ADAMTS20: variants seen among roughly 807,000 people sequenced by gnomAD.
ADAMTS20 encodes A disintegrin and metalloproteinase with thrombospondin motifs 20.
A neutral mutation model predicts 260.1 loss-of-function variants in ADAMTS20; 225 were observed. The observed-to-expected ratio is 0.87, with a 90% CI of 0.78 to 0.97. The LOEUF is 0.97. ADAMTS20 is among the 50% of genes least tolerant of loss of function. The pLI, the probability that ADAMTS20 is intolerant of heterozygous loss-of-function variation, is 0.00. For synonymous variants in ADAMTS20, 802 were observed against 769.5 expected (o/e 1.04, Z -0.70); for missense variants, 2,400 against 2,337.7 (o/e 1.03, Z -0.55).
intron 3 of ADAMTS20, among the ~76,000 whole-genome samples, chr12:43,514,877 G>A (rs1006060566): frequency 9.9e-5 from 15 of 152,092 alleles, no homozygotes; most frequent in African/African-American, 3.1e-4. Context: ...GCTGAATATC[G>A]ATATCTACTG....
chr12:43,479,721 A>C (rs558129480), intron 7 of ADAMTS20, among the ~76,000 whole-genome samples: 54 of 152,244 alleles, frequency 3.5e-4, no homozygotes, highest in Admixed American at 7.2e-4. Context: ...TCAAATAATA[A>C]AATTAGAAAA....
chr12:43,522,118 C>A (rs1943080065), intron 3 of ADAMTS20, among the ~76,000 whole-genome samples: 1 of 152,162 alleles, frequency 6.6e-6, no homozygotes, highest in Admixed American at 6.5e-5. Context: ...GTTTAATTGA[C>A]TCAGTGCACC....
chr12:43,375,374 C>T lies in ADAMTS20; in HGVS notation c.5446+5G>A. 1.2e-6 allele frequency: 2 copies of T among 1,610,824 alleles called. No homozygotes were observed. The highest frequency in any genetic ancestry group is 1.7e-6 in the Non-Finnish European group (2 of 1,179,096). ...TTGATTTTAAAATATAGATTGAGCA[C>T]TTACTTTTAATTTGCATGGAAGTGA... On this transcript the variant is annotated splice_donor_5th_base_variant and intron_variant, in intron 36 of 38. Transcript: ENST00000389420.
At chr12:43,444,135 ATTC>A (rs1369329328) in intron 15 of ADAMTS20, among the ~76,000 whole-genome samples, 3 of 152,144 alleles carry the variant, frequency 2.0e-5, no homozygotes, top group Non-Finnish European at 2.9e-5. Context: ...TACTTCTAAT[ATTC>A]TTAATATAGA....
At position 43,452,275 on chromosome 12, in the gene ADAMTS20, A is replaced by G. The variant is rs774803173; in HGVS notation, c.2078T>C (p.Met693Thr). 4 of 1,604,726 alleles carry G rather than the reference A, an allele frequency of 2.5e-6. No individual in the cohort carries two copies. In the Admixed American group the frequency reaches 6.9e-5, roughly 28 times the overall value. Residue 693 changes from methionine (M) to threonine (T), a missense_variant and splice_region_variant, in exon 14 of 39, where the codon ATG (methionine) becomes ACG (threonine). By Grantham distance (81) the Met-to-Thr change is moderately conservative (BLOSUM62 -1). Transcript: ENST00000389420. ...AATAGAAACTTATAGTTTACTTACC[A>G]TACACTGGCCTTGAACACAGATGTC... ...THDICVQGQC[M>T]AAGCDHVLNS... is the part of the protein sequence containing the mutation.
chr12:43,371,770 G>A (rs1940113342), intron 36 of ADAMTS20, among the ~76,000 whole-genome samples: 1 of 152,174 alleles, frequency 6.6e-6, no homozygotes, highest in Non-Finnish European at 1.5e-5. Flanking sequence ...GCAGAAAACT[G>A]AGAGGGAATA....
intron 11 of ADAMTS20, among the ~76,000 whole-genome samples, chr12:43,457,015 A>G (rs968296473): frequency 1.3e-5 from 2 of 152,238 alleles, no homozygotes; most frequent in Non-Finnish European, 2.9e-5. Flanking sequence ...AGCTGAACAT[A>G]CTGACATACT....
intron 4 of ADAMTS20, among the ~76,000 whole-genome samples, chr12:43,496,270 A>C (rs192281820): frequency 1.3e-5 from 2 of 152,328 alleles, no homozygotes; most frequent in Non-Finnish European, 2.9e-5. Flanking sequence ...AGGAACTATT[A>C]TAGTGTCCAT....
chr12:43,441,059 C>G (rs556402686), intron 16 of ADAMTS20, among the ~76,000 whole-genome samples: 1 of 139,284 alleles, frequency 7.2e-6, no homozygotes. Flanking sequence ...AGGGAGACTC[C>G]GTCTCCAAAA....
At chr12:43,450,018 T>C (rs1261351479) in intron 14 of ADAMTS20, among the ~76,000 whole-genome samples, 1 of 152,160 alleles carries the variant, frequency 6.6e-6, no homozygotes, top group Non-Finnish European at 1.5e-5. Context: ...AGTATGAGTA[T>C]GTAAGTAACA....
At position 43,552,048 on chromosome 12, in the gene ADAMTS20, G is replaced by A; in HGVS notation, c.-127C>T. 1.3e-6 allele frequency: 1 copy of A among 758,154 alleles called. No individual in the cohort carries two copies. Among genetic ancestry groups the A allele is most frequent in the African/African-American group, 1.7e-5 (1 of 57,790 alleles). 47.0% of individuals were successfully genotyped at this position (758,154 alleles called of 1,614,324 possible). On this transcript the variant is annotated 5_prime_UTR_variant, in exon 1 of 39. Coordinates refer to ENST00000389420, the MANE Select transcript of ADAMTS20 (RefSeq NM_025003.5). The stretch of plus-strand genomic sequence containing the variant: ...GCTCTCCGCGCCTCAGCAGCCTAGG[G>A]AACAGCAGCGCGGGCCCTGGGCCGG...
chr12:43,484,279 G>A (rs1335220857), intron 7 of ADAMTS20, among the ~76,000 whole-genome samples: 3 of 152,146 alleles, frequency 2.0e-5, no homozygotes, highest in Non-Finnish European at 1.5e-5. Flanking sequence ...ACAGGGTTCT[G>A]TGACATCCCC....
At chr12:43,397,035 G>A (rs890318187) in intron 29 of ADAMTS20, among the ~76,000 whole-genome samples, 1 of 152,102 alleles carries the variant, frequency 6.6e-6, no homozygotes. Flanking sequence ...TGTTTCACAC[G>A]CTTAGGGGAA....
intron 3 of ADAMTS20, 148 bp from the exon 4 acceptor site, chr12:43,502,553 A>T (rs1942784274): frequency 1.7e-5 from 14 of 804,498 alleles, no homozygotes; most frequent in Non-Finnish European, 2.6e-5. Context: ...TGTTATTTAA[A>T]ATAGTATTGT....
intron 31 of ADAMTS20, among the ~76,000 whole-genome samples, chr12:43,381,154 T>G (rs1592037574): frequency 6.6e-6 from 1 of 152,234 alleles, no homozygotes; most frequent in East Asian, 1.9e-4. Flanking sequence ...AAGAATAATC[T>G]TTTCATGCAG....
At chr12:43,439,332 G>A (rs1180025728) in intron 18 of ADAMTS20, among the ~76,000 whole-genome samples, 1 of 152,200 alleles carries the variant, frequency 6.6e-6, no homozygotes, top group Non-Finnish European at 1.5e-5. Context: ...ATATAAGTTA[G>A]AGAAACTTTC....
chr12:43,475,018 G>T (rs1289103545), intron 7 of ADAMTS20, among the ~76,000 whole-genome samples: 3 of 133,326 alleles, frequency 2.3e-5, no homozygotes, highest in African/African-American at 5.5e-5. Context: ...GGAAATAAAG[G>T]GTATTCAATT....
intron 6 of ADAMTS20, among the ~76,000 whole-genome samples, chr12:43,491,903 T>C (rs566867367): frequency 1.2e-3 from 181 of 152,298 alleles, no homozygotes; most frequent in Middle Eastern, 3.4e-3. Flanking sequence ...TCTCATTCTG[T>C]CACTAATATC....
At chr12:43,391,786 C>T in intron 29 of ADAMTS20, among the ~76,000 whole-genome samples, 1 of 151,930 alleles carries the variant, frequency 6.6e-6, no homozygotes, top group Non-Finnish European at 1.5e-5. Context: ...ACAGTTTTAC[C>T]CTGAAAGAAA....
Sources: allele counts gnomAD v4.1 joint callset (sites outside exome capture counted in the v4.1 genomes callset), GRCh38; gene constraint gnomAD v4.1.1; transcripts MANE v1.5; gene names NCBI Gene and HGNC (gene_info 2026-07-23, HGNC 2026-07-21).